Variants in WNT8B observed in about 807,000 individuals in gnomAD.
The protein encoded by WNT8B is Wnt family member 8B.
WNT8B carries 24 observed loss-of-function variants against 36.6 expected under a neutral mutation model. The observed-to-expected ratio is 0.66, with a 90% CI of 0.48 to 0.92. The LOEUF is 0.92. Among genes scored for constraint, WNT8B ranks in the 40% least tolerant of loss-of-function variants. The pLI is 0.00. For missense variants in WNT8B, 402 were observed against 470.8 expected (o/e 0.85, Z 1.35); for synonymous variants, 199 against 189.8 (o/e 1.05, Z -0.40).
intron 1 of WNT8B, 87 bp from the exon 2 acceptor site, chr10:100,478,965 C>T (rs1382721667): frequency 2.6e-6 from 3 of 1,161,794 alleles, no homozygotes; most frequent in Non-Finnish European, 3.7e-6. Context: ...ATGACATGTG[C>T]TGAAGTAATT....
In WNT8B at chr10:100,482,089, T is replaced by C. The variant is rs1851121054; in HGVS notation, c.510+35T>C. On this transcript the variant is annotated intron_variant, in intron 5 of 5. Transcript: ENST00000343737. The surrounding 1 kb of genome is among the most constrained non-coding windows in gnomAD (Gnocchi z 6.6). Reference sequence around the variant, plus strand: ...GCAGCCCTTGGAAATAGGCAGCTGCTGGCTATATCCACTACCAGCTCCAGG... The same window carrying C: ...GCAGCCCTTGGAAATAGGCAGCTGCCGGCTATATCCACTACCAGCTCCAGG... 6.2e-7 allele frequency: 1 copy of C among 1,613,142 alleles called. No individual in the cohort carries two copies. Among genetic ancestry groups the C allele is most frequent in the African/African-American group, 1.3e-5 (1 of 74,920 alleles).
At chr10:100,464,554 A>C (rs1208833000) in intron 1 of WNT8B, among the ~76,000 whole-genome samples, 1 of 152,160 alleles carries the variant, frequency 6.6e-6, no homozygotes, top group East Asian at 1.9e-4. Context: ...AAATACCTTT[A>C]CTGTGTGTTC....
intron 1 of WNT8B, among the ~76,000 whole-genome samples, chr10:100,466,889 C>A (rs1850912624): frequency 6.6e-6 from 1 of 151,870 alleles, no homozygotes; most frequent in African/African-American, 2.4e-5. Flanking sequence ...CTATTTCCAT[C>A]AGAAAAGTGG....
chr10:100,481,002 T>C lies in WNT8B; in HGVS notation c.246T>C (p.Asn82=), dbSNP rs1394397991. ...LSSHGGLRSA[N]RETAFVHAIS... is the part of the protein sequence containing the mutation. ...TGGATTTTTGGTTCCTGCTAGCCAA[T>C]CGGGAGACAGCATTTGTGCATGCCA... is the stretch of plus-strand genomic sequence containing the variant. The change falls in exon 4 of 6, where the codon AAT becomes AAC. Residue 82 remains asparagine, a synonymous_variant. Transcript: ENST00000343737. 3 of 1,613,938 alleles carry C rather than the reference T, an allele frequency of 1.9e-6. No homozygotes were observed. Among genetic ancestry groups the C allele is most frequent in the African/African-American group, 1.3e-5 (1 of 75,006 alleles).
chr10:100,471,448 T>C (rs892879356), intron 1 of WNT8B, among the ~76,000 whole-genome samples: 10 of 152,240 alleles, frequency 6.6e-5, no homozygotes, highest in African/African-American at 2.2e-4. Flanking sequence ...TGTGGTTGTT[T>C]TGTGGACATA....
rs538015453 is a variant in WNT8B, at chr10:100,474,182, T to C, written c.69-4870T>C. On this transcript the variant is annotated intron_variant, in intron 1 of 5. Coordinates refer to ENST00000343737, the MANE Select transcript of WNT8B (RefSeq NM_003393.4). ...AGAGCTGGGAGGGTTCAGGAAGTCA[T>C]GAACCCTTTGAATGGTCCTGAATCT... 2.0e-5 allele frequency among the ~76,000 whole-genome samples: 3 copies of C among 152,338 alleles called. No individual in the cohort carries two copies. In the South Asian group the frequency reaches 6.2e-4, roughly 32 times the overall value.
At chr10:100,477,795 G>GTTTTTTTTTT (rs1851057820) in intron 1 of WNT8B, among the ~76,000 whole-genome samples, 3 of 102,782 alleles carry the variant, frequency 2.9e-5, no homozygotes, top group African/African-American at 6.9e-5. Context: ...TTTTTTTTTT[G>GTTTTTTTTTT]GGACAGAATA....
chr10:100,478,980 C>T (rs535313167), intron 1 of WNT8B, 72 bp from the exon 2 acceptor site: 1 of 1,339,730 alleles, frequency 7.5e-7, no homozygotes, highest in Non-Finnish European at 1.0e-6. Context: ...GTAATTCTTA[C>T]CACTCTTGGA....
At chr10:100,465,371 T>G (rs1157205164) in intron 1 of WNT8B, among the ~76,000 whole-genome samples, 1 of 152,160 alleles carries the variant, frequency 6.6e-6, no homozygotes, top group East Asian at 1.9e-4. Context: ...GAATGCATGA[T>G]AAGCCAAGCA....
chr10:100,464,467 G>C (rs1286755629), intron 1 of WNT8B, among the ~76,000 whole-genome samples: 1 of 152,310 alleles, frequency 6.6e-6, no homozygotes, highest in South Asian at 2.1e-4. Context: ...TTCTTCAGCT[G>C]ATTCAGTATC....
chr10:100,479,464 C>A (rs1851081822), intron 2 of WNT8B, among the ~76,000 whole-genome samples: 1 of 152,078 alleles, frequency 6.6e-6, no homozygotes, highest in African/African-American at 2.4e-5. Flanking sequence ...ATTTTCAGTT[C>A]CAAAATGTTG....
intron 1 of WNT8B, among the ~76,000 whole-genome samples, chr10:100,465,644 A>G (rs955319004): frequency 6.6e-6 from 1 of 152,212 alleles, no homozygotes; most frequent in Non-Finnish European, 1.5e-5. Flanking sequence ...TCATTCTTCA[A>G]CAGAAGTCAC....
intron 1 of WNT8B, among the ~76,000 whole-genome samples, chr10:100,469,648 A>G (rs558360229): frequency 5.5e-4 from 84 of 152,336 alleles, no homozygotes; most frequent in African/African-American, 2.0e-3. Flanking sequence ...AAATTTGGGG[A>G]CCAACGGGAT....
At chr10:100,467,210 C>T (rs1288462299) in intron 1 of WNT8B, among the ~76,000 whole-genome samples, 1 of 152,118 alleles carries the variant, frequency 6.6e-6, no homozygotes. Context: ...TGTTATTGAT[C>T]ATTTCATTTC....
chr10:100,478,867 G>A (rs1240494657), intron 1 of WNT8B, among the ~76,000 whole-genome samples, 185 bp from the exon 2 acceptor site: 2 of 152,190 alleles, frequency 1.3e-5, no homozygotes, highest in Non-Finnish European at 2.9e-5. Context: ...ACAGGCATGA[G>A]CCACCCCACC....
chr10:100,481,222 T>C, intron 4 of WNT8B, 99 bp downstream of exon 4: 1 of 1,470,636 alleles, frequency 6.8e-7, no homozygotes, highest in Non-Finnish European at 9.1e-7. Flanking sequence ...CTTCTAAATA[T>C]GAAGAAAATC....
At chr10:100,478,127 C>T (rs1386422984) in intron 1 of WNT8B, among the ~76,000 whole-genome samples, 1 of 152,162 alleles carries the variant, frequency 6.6e-6, no homozygotes, top group Non-Finnish European at 1.5e-5. Context: ...TTTTCCAAAT[C>T]GCATTACTTA....
chr10:100,479,736 C>T (rs1424121505), intron 2 of WNT8B, 138 bp from the exon 3 acceptor site: 1 of 1,140,058 alleles, frequency 8.8e-7, no homozygotes, highest in African/African-American at 1.6e-5. Context: ...TTTGTGATGT[C>T]AAATGAGACA....
intron 1 of WNT8B, among the ~76,000 whole-genome samples, chr10:100,478,192 AC>A (rs1431194577): frequency 6.6e-6 from 1 of 152,050 alleles, no homozygotes; most frequent in Non-Finnish European, 1.5e-5. Context: ...CTGTTTGTTT[AC>A]CTCTTCCTAA....
Sources: allele counts gnomAD v4.1 joint callset (sites outside exome capture counted in the v4.1 genomes callset), GRCh38; gene constraint gnomAD v4.1.1; non-coding constraint Gnocchi (gnomAD v3.1); transcripts MANE v1.5; gene names NCBI Gene and HGNC (gene_info 2026-07-23, HGNC 2026-07-21).